Variants in ATRNL1 observed in about 807,000 individuals in gnomAD.
ATRNL1 encodes attractin-like protein 1.
ATRNL1 carries 95 observed loss-of-function variants against 182.7 expected under a neutral mutation model. The ratio of observed to expected loss-of-function variants is 0.52; its 90% CI spans 0.44 to 0.62. The LOEUF is 0.62. ATRNL1 is among the 20% of genes least tolerant of loss of function. The pLI is 0.00. For synonymous variants in ATRNL1, 576 were observed against 568.3 expected (o/e 1.01, Z -0.19); for missense variants, 1,471 against 1,679.5 (o/e 0.88, Z 2.17).
At chr10:115,429,716 G>T (rs1453241713) in intron 21 of ATRNL1, among the ~76,000 whole-genome samples, 4 of 152,016 alleles carry the variant, frequency 2.6e-5, no homozygotes, top group Non-Finnish European at 5.9e-5. Context: ...GAAAGAAGAC[G>T]ATCTCTTTTT....
chr10:115,311,559 A>AGCAGGTC (rs879972034), intron 17 of ATRNL1, among the ~76,000 whole-genome samples: 3,461 of 152,244 alleles, frequency 0.023, 47 homozygotes, highest in South Asian at 0.035. Context: ...AAAATATTCC[A>AGCAGGTC]TGTGCTGATG....
intron 27 of ATRNL1, among the ~76,000 whole-genome samples, chr10:115,737,422 C>A (rs1443127655): frequency 2.7e-5 from 4 of 150,476 alleles, no homozygotes; most frequent in African/African-American, 9.8e-5. Flanking sequence ...TTGAACAGAG[C>A]AAGACCCTGT....
intron 21 of ATRNL1, among the ~76,000 whole-genome samples, chr10:115,439,905 A>G (rs1230309433): frequency 1.3e-5 from 2 of 151,924 alleles, no homozygotes. Context: ...ATTATTATTA[A>G]TGTGTTTACC....
At chr10:115,185,524 C>T (rs1847906233) in intron 8 of ATRNL1, among the ~76,000 whole-genome samples, 1 of 151,954 alleles carries the variant, frequency 6.6e-6, no homozygotes, top group African/African-American at 2.4e-5. Flanking sequence ...AATAGGAATG[C>T]ATAAGCTTAC....
intron 26 of ATRNL1, among the ~76,000 whole-genome samples, chr10:115,608,404 G>C (rs1856980173): frequency 6.6e-6 from 1 of 151,656 alleles, no homozygotes; most frequent in African/African-American, 2.4e-5. Flanking sequence ...GAACTATGAA[G>C]TTCTGTATCA....
At chr10:115,107,706 A>G (rs1437408864) in intron 1 of ATRNL1, among the ~76,000 whole-genome samples, 1 of 152,248 alleles carries the variant, frequency 6.6e-6, no homozygotes, top group East Asian at 1.9e-4. Context: ...AGGTAGCCGC[A>G]TCTCCACAAC....
chr10:115,579,738 A>G (rs9420197), intron 26 of ATRNL1, among the ~76,000 whole-genome samples: 73,863 of 151,758 alleles, frequency 0.49, 19,184 homozygotes, highest in East Asian at 0.84. Flanking sequence ...TAATTAACAA[A>G]GAATGAGTTA....
chr10:115,217,936 T>G (rs1161501290), intron 9 of ATRNL1, among the ~76,000 whole-genome samples: 1 of 152,140 alleles, frequency 6.6e-6, no homozygotes, highest in East Asian at 1.9e-4. Flanking sequence ...TCAAGTTTGC[T>G]ATTATATATG....
intron 10 of ATRNL1, among the ~76,000 whole-genome samples, chr10:115,254,819 G>A (rs1225326346): frequency 2.0e-5 from 3 of 152,144 alleles, no homozygotes; most frequent in African/African-American, 7.2e-5. Flanking sequence ...TGTATAAGGT[G>A]TAAGGAAGGG....
chr10:115,343,193 C>T (rs1190373914), intron 19 of ATRNL1, among the ~76,000 whole-genome samples: 7 of 152,044 alleles, frequency 4.6e-5, no homozygotes, highest in African/African-American at 1.4e-4. Context: ...CGTGTTGTTA[C>T]CCCTTTGAAT....
intron 1 of ATRNL1, among the ~76,000 whole-genome samples, chr10:115,119,581 T>G (rs972598550): frequency 6.6e-6 from 1 of 152,090 alleles, no homozygotes; most frequent in East Asian, 1.9e-4. Flanking sequence ...AATATCTTTT[T>G]CTTTTTTATG....
chr10:115,911,192 G>T (rs1364053072), intron 28 of ATRNL1, among the ~76,000 whole-genome samples: 2 of 151,916 alleles, frequency 1.3e-5, no homozygotes, highest in African/African-American at 4.8e-5. Context: ...TAGATAGAGG[G>T]CTCTGCCATG....
chr10:115,109,906 A>T (rs1554867420), intron 1 of ATRNL1, among the ~76,000 whole-genome samples: 1 of 152,202 alleles, frequency 6.6e-6, no homozygotes, highest in Non-Finnish European at 1.5e-5. Context: ...GAGTGGTACA[A>T]CCATCACCAT....
At chr10:115,281,304 G>T in intron 13 of ATRNL1, 51 bp from the exon 14 acceptor site, 1 of 1,518,176 alleles carries the variant, frequency 6.6e-7, no homozygotes, top group South Asian at 1.3e-5. Flanking sequence ...TGAAGTTTAA[G>T]AATCATTGCT....
rs188137804 is a variant in ATRNL1 at position 115,170,793 on chromosome 10, A to C, written c.1093-244A>C. Among the ~76,000 whole-genome samples, 416 of 152,166 alleles carry C rather than the reference A, an allele frequency of 2.7e-3. 3 individuals carry two copies. Among genetic ancestry groups the C allele is most frequent in the African/African-American group, 9.5e-3 (396 of 41,562 alleles). On this transcript the variant is annotated intron_variant, in intron 7 of 28. Coordinates refer to ENST00000355044, the MANE Select transcript of ATRNL1 (RefSeq NM_207303.4). Reference sequence around the variant, plus strand: ...TATACTTAATTGACTACATAATGTGATAGTTAAAAAATATATTTAAAGTAG... The same window carrying C: ...TATACTTAATTGACTACATAATGTGCTAGTTAAAAAATATATTTAAAGTAG...
intron 28 of ATRNL1, among the ~76,000 whole-genome samples, chr10:115,888,467 T>A (rs1029142665): frequency 1.3e-5 from 2 of 152,172 alleles, no homozygotes; most frequent in African/African-American, 4.8e-5. Context: ...CTGGCTCTCT[T>A]CATGAGTGGT....
At chr10:115,387,739 C>A (rs1843740860) in intron 19 of ATRNL1, among the ~76,000 whole-genome samples, 2 of 151,988 alleles carry the variant, frequency 1.3e-5, no homozygotes, top group Admixed American at 1.3e-4. Flanking sequence ...TTTTAAGATT[C>A]ATCTATGTAG....
At chr10:115,179,638 A>G (rs1554887533) in intron 8 of ATRNL1, among the ~76,000 whole-genome samples, 1 of 152,074 alleles carries the variant, frequency 6.6e-6, no homozygotes, top group African/African-American at 2.4e-5. Flanking sequence ...AGATTCAAAT[A>G]TAACTTTTGA....
At chr10:115,752,408 T>C (rs571151649) in intron 27 of ATRNL1, among the ~76,000 whole-genome samples, 1 of 152,146 alleles carries the variant, frequency 6.6e-6, no homozygotes, top group East Asian at 1.9e-4. Flanking sequence ...AACTCTGTTA[T>C]AGGCAGTAGG....
Sources: gnomAD v4.1 joint callset for allele counts (sites outside exome capture counted in the v4.1 genomes callset) on GRCh38, gnomAD v4.1.1 for gene constraint, MANE v1.5 for transcripts, NCBI Gene and HGNC (gene_info 2026-07-23, HGNC 2026-07-21) for gene names.